TAF3: variants seen among roughly 807,000 people sequenced by gnomAD.
The protein encoded by TAF3 is transcription initiation factor TFIID subunit 3.
In TAF3, 7 loss-of-function variants were observed where a neutral mutation model predicts 80.6. That is an observed-to-expected ratio of 0.09 (90% confidence interval 0.05 to 0.16). The LOEUF is 0.16. TAF3 is among the 10% of genes least tolerant of loss of function. The pLI is 1.00. For missense variants in TAF3, 921 were observed against 1,140.2 expected, an observed-to-expected ratio of 0.81 and a Z score of 2.77; for synonymous variants, 444 against 446.1, an observed-to-expected ratio of 1.00 and a Z score of 0.06.
rs1171014768 is a variant in TAF3 at position 8,016,121 on chromosome 10, C to T, written c.*1370C>T. On this transcript the variant is annotated 3_prime_UTR_variant, in exon 7 of 7. Coordinates refer to ENST00000344293, the MANE Select transcript of TAF3 (RefSeq NM_031923.4). ...AATGTTAAAAAAACATCAAATTTAA[C>T]TTTATTAGCATATTTTAGCAACTTT... The T allele has an allele frequency of 6.6e-6, 1 of 152,116 alleles. No individual in the cohort carries two copies. Among genetic ancestry groups the T allele is most frequent in the Non-Finnish European group, 1.5e-5 (1 of 68,018 alleles). 9.4% of individuals were successfully genotyped at this position (152,116 alleles called of 1,614,324 possible).
At chr10:7,849,663 G>C (rs1244481) in intron 2 of TAF3, among the ~76,000 whole-genome samples, 27,233 of 151,476 alleles carry the variant, frequency 0.18, 2,528 homozygotes, top group South Asian at 0.26. Flanking sequence ...CTATTGGGGG[G>C]GTTCATGCGA....
chr10:7,895,030 C>T (rs1174173482), intron 2 of TAF3, among the ~76,000 whole-genome samples: 1 of 152,108 alleles, frequency 6.6e-6, no homozygotes, highest in Admixed American at 6.5e-5. Context: ...TGCCCACCAC[C>T]ATTCCTGGCT....
At chr10:7,947,781 A>G (rs1838040071) in intron 2 of TAF3, among the ~76,000 whole-genome samples, 1 of 152,204 alleles carries the variant, frequency 6.6e-6, no homozygotes, top group Non-Finnish European at 1.5e-5. Context: ...CAGTGGTGAC[A>G]GGAAGCACTG....
intron 5 of TAF3, among the ~76,000 whole-genome samples, chr10:8,011,782 T>C (rs2131443149): frequency 6.6e-6 from 1 of 152,350 alleles, no homozygotes; most frequent in African/African-American, 2.4e-5. Context: ...AACTTGGTAA[T>C]CTCTGTGGCA....
At chr10:7,856,395 G>A (rs534006844) in intron 2 of TAF3, among the ~76,000 whole-genome samples, 7 of 152,286 alleles carry the variant, frequency 4.6e-5, no homozygotes, top group South Asian at 4.1e-4. Flanking sequence ...CAGGAGAATC[G>A]CTTGAACCCA....
At chr10:8,001,338 A>G (rs554345450) in intron 4 of TAF3, among the ~76,000 whole-genome samples, 3 of 152,174 alleles carry the variant, frequency 2.0e-5, no homozygotes, top group East Asian at 3.9e-4. Flanking sequence ...TGTCATGTTT[A>G]TATCTTTGAT....
chr10:7,968,152 G>C (rs761059934), intron 3 of TAF3, among the ~76,000 whole-genome samples: 1 of 152,060 alleles, frequency 6.6e-6, no homozygotes, highest in Non-Finnish European at 1.5e-5. Context: ...AGACATATCT[G>C]CTCACTTTAT....
chr10:7,942,679 CG>C (rs1264574563), intron 2 of TAF3, among the ~76,000 whole-genome samples: 43 of 152,278 alleles, frequency 2.8e-4, no homozygotes, highest in African/African-American at 8.7e-4. Flanking sequence ...TCCCAAGAAG[CG>C]CTGGGGAATG....
intron 2 of TAF3, among the ~76,000 whole-genome samples, chr10:7,851,592 C>A (rs988186596): frequency 6.6e-6 from 1 of 152,118 alleles, no homozygotes; most frequent in African/African-American, 2.4e-5. Flanking sequence ...CCAGCTTCAC[C>A]CGTATCTACT....
chr10:7,899,622 A>G (rs1837539608), intron 2 of TAF3, among the ~76,000 whole-genome samples: 1 of 152,192 alleles, frequency 6.6e-6, no homozygotes, highest in Non-Finnish European at 1.5e-5. Flanking sequence ...GGAAGCTTCC[A>G]TTCCCGTTGA....
intron 2 of TAF3, among the ~76,000 whole-genome samples, chr10:7,896,795 A>G (rs1480975663): frequency 6.6e-6 from 1 of 152,222 alleles, no homozygotes; most frequent in Non-Finnish European, 1.5e-5. Context: ...TCTGTAGGAC[A>G]GAAATTCATT....
rs563757235 is a variant in TAF3, at chr10:8,003,298, G to T, written c.2316-5780G>T. ...ATACGTTGTTTGTAATTTTTGTGTG[G>T]TTACCCTAGAAATTACCATACTTTA... On this transcript the variant is annotated intron_variant, in intron 4 of 6. Transcript: ENST00000344293. Among the ~76,000 whole-genome samples the T allele has an allele frequency of 2.7e-5, 4 of 149,774 alleles. No individual in the cohort carries two copies. The South Asian group carries it at 8.4e-4, about 32-fold the overall frequency.
chr10:7,928,843 G>A (rs1436529280), intron 2 of TAF3, among the ~76,000 whole-genome samples: 1 of 152,098 alleles, frequency 6.6e-6, no homozygotes, highest in Non-Finnish European at 1.5e-5. Flanking sequence ...ACTTCTTGAA[G>A]ACTGACCTCT....
At chr10:7,852,354 G>T (rs1355708480) in intron 2 of TAF3, among the ~76,000 whole-genome samples, 2 of 151,960 alleles carry the variant, frequency 1.3e-5, no homozygotes, top group Admixed American at 1.3e-4. Context: ...TTTGAATTAG[G>T]GTCCAAATAA....
At chr10:7,955,632 A>G (rs1250034283) in intron 2 of TAF3, among the ~76,000 whole-genome samples, 2 of 152,196 alleles carry the variant, frequency 1.3e-5, no homozygotes, top group African/African-American at 2.4e-5. Flanking sequence ...TTTAGATTAT[A>G]GTGTTTCTTT....
intron 2 of TAF3, among the ~76,000 whole-genome samples, chr10:7,934,083 C>A (rs1837894181): frequency 6.6e-6 from 1 of 152,202 alleles, no homozygotes; most frequent in African/African-American, 2.4e-5. Flanking sequence ...GAGATTGATA[C>A]TGTGAGGCAA....
At chr10:8,000,867 C>CT (rs1261148889) in intron 4 of TAF3, among the ~76,000 whole-genome samples, 1 of 152,136 alleles carries the variant, frequency 6.6e-6, no homozygotes, top group Non-Finnish European at 1.5e-5. Context: ...AAACTTTTTT[C>CT]TAAGTATACA....
intron 3 of TAF3, among the ~76,000 whole-genome samples, chr10:7,966,181 G>T (rs1221775371): frequency 1.3e-5 from 2 of 152,202 alleles, no homozygotes; most frequent in African/African-American, 4.8e-5. Context: ...AGCAAGGCCC[G>T]TGGAAGGACC....
At chr10:7,967,725 G>A (rs187244316) in intron 3 of TAF3, among the ~76,000 whole-genome samples, 1 of 152,278 alleles carries the variant, frequency 6.6e-6, no homozygotes, top group East Asian at 1.9e-4. Context: ...CGTATCTGAC[G>A]CATAAATGTC....
Sources: gnomAD v4.1 joint callset for allele counts (sites outside exome capture counted in the v4.1 genomes callset) on GRCh38, gnomAD v4.1.1 for gene constraint, MANE v1.5 for transcripts, NCBI Gene and HGNC (gene_info 2026-07-23, HGNC 2026-07-21) for gene names.